Variants in KCNAB2 observed in about 807,000 individuals in gnomAD.
KCNAB2 encodes voltage-gated potassium channel subunit beta-2.
Under a neutral mutation model 63.6 loss-of-function variants are expected in KCNAB2, and 29 were observed. The ratio of observed to expected loss-of-function variants is 0.46; its 90% CI spans 0.34 to 0.62. The LOEUF (loss-of-function observed/expected upper bound fraction) is 0.62. KCNAB2 is among the 20% of genes least tolerant of loss of function. The pLI, the probability that KCNAB2 is intolerant of heterozygous loss-of-function variation, is 0.01. For missense variants in KCNAB2, 359 were observed against 563.9 expected (o/e 0.64, Z 3.68); for synonymous variants, 222 against 224.2 (o/e 0.99, Z 0.09).
chr1:6,081,644 G>C (rs543811077), intron 4 of KCNAB2, among the ~76,000 whole-genome samples: 21 of 149,744 alleles, frequency 1.4e-4, no homozygotes, highest in Admixed American at 1.3e-3. Context: ...TTCAGCTCCT[G>C]GGGGTTGCCA....
At chr1:6,079,544 T>C (rs750548516) in intron 4 of KCNAB2, among the ~76,000 whole-genome samples, 1 of 151,756 alleles carries the variant, frequency 6.6e-6, no homozygotes, top group Non-Finnish European at 1.5e-5. Flanking sequence ...AACCCCAGTC[T>C]TGGATATTCT....
At chr1:6,065,171 G>T (rs1048495883) in intron 2 of KCNAB2, among the ~76,000 whole-genome samples, 11 of 152,222 alleles carry the variant, frequency 7.2e-5, no homozygotes, top group Non-Finnish European at 1.0e-4. Context: ...GCTGTGACCG[G>T]AGCAAGCACT....
intron 9 of KCNAB2, 24 bp downstream of exon 9, chr1:6,090,499 C>G: frequency 6.3e-7 from 1 of 1,591,654 alleles, no homozygotes; most frequent in South Asian, 1.1e-5. Context: ...GGCGGCGCCA[C>G]CGGTTAGGCC....
intron 2 of KCNAB2, among the ~76,000 whole-genome samples, chr1:6,058,760 C>T (rs546028515): frequency 4.5e-4 from 68 of 152,330 alleles, no homozygotes; most frequent in African/African-American, 1.3e-3. Flanking sequence ...GGGAGGGAGG[C>T]GAGCAGCCAG....
chr1:6,100,041 C>T lies in KCNAB2; in HGVS notation c.*1467C>T. The T allele has an allele frequency of 1.3e-6, 2 of 1,513,626 alleles. No homozygotes were observed. Among genetic ancestry groups the T allele is most frequent in the African/African-American group, 1.4e-5 (1 of 72,212 alleles). The allele number at this position is 1,513,626 out of a possible 1,614,324, so 93.8% of individuals were successfully genotyped here. ...TAGCTCCATAGGGAAGCCTGTGTCT[C>T]CTGCCCCCAGGGCGCACCCTCAGTG... is the stretch of plus-strand genomic sequence containing the variant. On this transcript the variant is annotated 3_prime_UTR_variant, in exon 16 of 16. Coordinates refer to ENST00000378083, the MANE Select transcript of KCNAB2 (RefSeq NM_001199862.2).
At chr1:5,993,207 C>G (rs1018191197) in intron 1 of KCNAB2, among the ~76,000 whole-genome samples, 8 of 151,902 alleles carry the variant, frequency 5.3e-5, no homozygotes, top group African/African-American at 9.7e-5. Context: ...CGCTGCTGTT[C>G]CCGGTCCTCC....
Position 6,073,575 on chromosome 1 carries a change from C to G in KCNAB2, c.263-158C>G, listed in dbSNP as rs541306320. Among the ~76,000 whole-genome samples the G allele has an allele frequency of 7.2e-5, 11 of 152,304 alleles. No homozygotes were observed. The highest frequency in any genetic ancestry group is 2.6e-4 in the African/African-American group (11 of 41,560). On this transcript the variant is annotated intron_variant, in intron 3 of 15. Transcript: ENST00000378083. This position sits in a 1 kb window ranked among gnomAD's most constrained non-coding sequence, Gnocchi z 5.7. ...AGGAGAGCAGGACTTTCTCTGAAGG[C>G]CAGCTGTCCACACACACTAAGGACA...
At chr1:6,082,668 G>A (rs1215064298) in intron 5 of KCNAB2, among the ~76,000 whole-genome samples, 1 of 152,198 alleles carries the variant, frequency 6.6e-6, no homozygotes, top group Non-Finnish European at 1.5e-5. Context: ...CCGGCCAAGT[G>A]CTGTGGGGAG....
chr1:6,051,564 C>A lies in KCNAB2; in HGVS notation c.28C>A (p.Leu10Met). Residue 10 changes from leucine (L) to methionine (M), a missense_variant, in exon 2 of 16, where the codon CTG becomes ATG. Transcript: ENST00000378083. MLSMTYSES[L>M]RSVSSRCHSE... ...GCTGTCCATGACGTACAGCGAGAGTCTGCGGAGCGTGAGCAGCAGGTGCCA... is the reference window on the plus strand; with the variant it reads ...GCTGTCCATGACGTACAGCGAGAGTATGCGGAGCGTGAGCAGCAGGTGCCA... 6.5e-7 allele frequency: 1 copy of A among 1,533,444 alleles called. No homozygotes were observed. Among genetic ancestry groups the A allele is most frequent in the Non-Finnish European group, 8.7e-7 (1 of 1,145,184 alleles). The allele number at this position is 1,533,444 out of a possible 1,614,324, so 95.0% of individuals were successfully genotyped here.
At chr1:6,030,557 A>G (rs1659523792), upstream of KCNAB2, among the ~76,000 whole-genome samples, 1 of 149,404 alleles carries the variant, frequency 6.7e-6, no homozygotes, top group African/African-American at 2.5e-5. Context: ...GTATGTGTGT[A>G]TGTCTATGTG....
At chr1:6,049,746 C>T (rs1483732026) in intron 1 of KCNAB2, among the ~76,000 whole-genome samples, 1 of 152,246 alleles carries the variant, frequency 6.6e-6, no homozygotes, top group Non-Finnish European at 1.5e-5. Context: ...ACCTCAATTG[C>T]ATGTTCATGC....
At chr1:6,033,140 A>G (rs1659751340), upstream of KCNAB2, among the ~76,000 whole-genome samples, 1 of 152,156 alleles carries the variant, frequency 6.6e-6, no homozygotes, top group African/African-American at 2.4e-5. Context: ...TGAGGGGTGG[A>G]GCTCAGGGGA....
chr1:6,053,050 G>A (rs1661524450), intron 2 of KCNAB2, among the ~76,000 whole-genome samples: 1 of 152,072 alleles, frequency 6.6e-6, no homozygotes. Context: ...TCAGCCCATT[G>A]TTTGAATATG....
upstream of KCNAB2, among the ~76,000 whole-genome samples, chr1:6,032,303 G>A (rs534122190): frequency 3.3e-5 from 5 of 152,304 alleles, no homozygotes; most frequent in South Asian, 1.0e-3. Flanking sequence ...AGCAGTGGCC[G>A]GTTGCGGTGG....
intron 1 of KCNAB2, among the ~76,000 whole-genome samples, chr1:5,999,938 G>A (rs961276760): frequency 1.4e-5 from 2 of 143,452 alleles, no homozygotes; most frequent in Non-Finnish European, 3.1e-5. Context: ...CATCCCGCCT[G>A]CGCCCTGTCT....
rs547329290 is a variant in KCNAB2 at position 6,040,748 on chromosome 1, A to G, written c.77+103A>G. ...CTCCCCTCTGGAGGTGGAAGGGCCC[A>G]AGCAGGGCCCACAGGCTTCTGCCTT... On this transcript the variant is annotated intron_variant, in intron 2 of 15. Transcript: ENST00000164247. 4.0e-5 allele frequency: 28 copies of G among 700,780 alleles called. No individual in the cohort carries two copies. In the African/African-American group the frequency reaches 4.8e-4, roughly 12 times the overall value. 43.4% of individuals were successfully genotyped at this position (700,780 alleles called of 1,614,324 possible). A position where few individuals can be genotyped will look rare whatever the true frequency, so the allele number is the denominator to read the frequency against.
chr1:6,098,282 A>G, intron 15 of KCNAB2: 1 of 1,395,792 alleles, frequency 7.2e-7, no homozygotes, highest in Non-Finnish European at 9.3e-7. Context: ...GAGTGCACAG[A>G]CCCAGGCATG....
At chr1:6,050,218 T>C (rs996117556) in intron 1 of KCNAB2, among the ~76,000 whole-genome samples, 7 of 152,204 alleles carry the variant, frequency 4.6e-5, no homozygotes, top group Admixed American at 1.3e-4. Flanking sequence ...CTGGTTCCTT[T>C]CCAGCTCCCA....
chr1:5,998,498 C>T (rs909959906), intron 1 of KCNAB2, among the ~76,000 whole-genome samples: 2 of 152,164 alleles, frequency 1.3e-5, no homozygotes, highest in African/African-American at 4.8e-5. Flanking sequence ...CTGCCACCTA[C>T]CTACTGGTCA....
Sources: gnomAD v4.1 joint callset for allele counts (sites outside exome capture counted in the v4.1 genomes callset) on GRCh38, gnomAD v4.1.1 for gene constraint, Gnocchi (gnomAD v3.1) non-coding constraint, MANE v1.5 for transcripts, NCBI Gene and HGNC (gene_info 2026-07-23, HGNC 2026-07-21) for gene names.